Variants in FOXP2 observed in about 807,000 individuals in gnomAD.
The protein encoded by FOXP2 is forkhead box P2.
Under a neutral mutation model 115.8 loss-of-function variants are expected in FOXP2, and 12 were observed. That is an observed-to-expected ratio of 0.10 (90% CI 0.07 to 0.17). The LOEUF is 0.17. FOXP2 is among the 10% of genes least tolerant of loss of function. FOXP2 has a pLI of 1.00. For missense variants in FOXP2, 629 were observed against 843.5 expected (o/e 0.75, Z 3.15); for synonymous variants, 328 against 297.7 (o/e 1.10, Z -1.05).
intron 16 of FOXP2, among the ~76,000 whole-genome samples, chr7:114,687,670 A>G (rs989451018): frequency 1.3e-5 from 2 of 152,124 alleles, no homozygotes; most frequent in Admixed American, 6.6e-5. Context: ...TCTCTCTTTA[A>G]TATTTTTAAG....
chr7:114,497,571 C>T (rs974010311), intron 2 of FOXP2, among the ~76,000 whole-genome samples: 2 of 152,034 alleles, frequency 1.3e-5, no homozygotes, highest in Non-Finnish European at 1.5e-5. Flanking sequence ...ATCACTTGAA[C>T]CCAGGAGGCA....
intron 1 of FOXP2, among the ~76,000 whole-genome samples, chr7:114,220,430 CTT>C (rs941546234): frequency 3.3e-5 from 5 of 151,950 alleles, no homozygotes; most frequent in Admixed American, 6.6e-5. Context: ...CATTTTTTCT[CTT>C]TACATTAGAA....
At chr7:114,269,656 A>G (rs1218960761) in intron 1 of FOXP2, among the ~76,000 whole-genome samples, 1 of 152,142 alleles carries the variant, frequency 6.6e-6, no homozygotes, top group Non-Finnish European at 1.5e-5. Context: ...TTACTTTTAT[A>G]TTATTAAATT....
At chr7:114,641,641 C>T (rs1027619560) in intron 6 of FOXP2, among the ~76,000 whole-genome samples, 1 of 151,592 alleles carries the variant, frequency 6.6e-6, no homozygotes, top group Admixed American at 6.6e-5. Context: ...TTTGTTTTCC[C>T]TTTTATTTAT....
chr7:114,502,935 T>C (rs1191489873), intron 2 of FOXP2, among the ~76,000 whole-genome samples: 3 of 152,052 alleles, frequency 2.0e-5, no homozygotes, highest in African/African-American at 7.2e-5. Context: ...ACAGGCCAAA[T>C]AGATGCAAGG....
intron 2 of FOXP2, among the ~76,000 whole-genome samples, chr7:114,353,288 G>T (rs932994024): frequency 6.8e-6 from 1 of 146,504 alleles, no homozygotes; most frequent in African/African-American, 2.5e-5. Flanking sequence ...CTTTTCCTCC[G>T]ATAGCCCCCT....
chr7:114,542,709 T>C (rs1799728120), intron 3 of FOXP2, among the ~76,000 whole-genome samples: 1 of 152,184 alleles, frequency 6.6e-6, no homozygotes, highest in South Asian at 2.1e-4. Context: ...TGTGATTATT[T>C]TAGTAATGCT....
At chr7:114,469,730 A>T (rs1480041926) in intron 2 of FOXP2, among the ~76,000 whole-genome samples, 1 of 152,144 alleles carries the variant, frequency 6.6e-6, no homozygotes, top group Non-Finnish European at 1.5e-5. Context: ...TATTCTTCTG[A>T]TTTGCCATAG....
chr7:114,690,457 T>G lies in FOXP2; in HGVS notation c.*531T>G. 4.4e-6 allele frequency: 2 copies of G among 453,978 alleles called. No homozygotes were observed. Among genetic ancestry groups the G allele is most frequent in the Non-Finnish European group, 8.8e-6 (2 of 226,684 alleles). 28.1% of individuals were successfully genotyped at this position (453,978 alleles called of 1,614,324 possible). ...ATTAGTGTCACTGCTTGTATCTAGC[T>G]GAATTTTAAACAACAGAACATTAGT... On this transcript the variant is annotated 3_prime_UTR_variant, in exon 17 of 17. Transcript: ENST00000350908.
chr7:114,690,203 T>G lies in FOXP2; in HGVS notation c.*277T>G. ...AAAAAAAAATGAACTGTTCTTTCTA[T>G]AATGGCTTTGCCCATTTAAAAAATG... On this transcript the variant is annotated 3_prime_UTR_variant, in exon 17 of 17. Coordinates refer to ENST00000350908, the MANE Select transcript of FOXP2 (RefSeq NM_014491.4). The G allele has an allele frequency of 2.0e-6, 1 of 500,792 alleles. No individual in the cohort carries two copies. The highest frequency in any genetic ancestry group is 1.6e-5 in the South Asian group (1 of 62,810). 31.0% of individuals were successfully genotyped at this position (500,792 alleles called of 1,614,324 possible). A position where few individuals can be genotyped will look rare whatever the true frequency, so the allele number is the denominator to read the frequency against.
intron 1 of FOXP2, among the ~76,000 whole-genome samples, chr7:114,416,111 C>T (rs181234042): frequency 4.6e-5 from 7 of 152,062 alleles, no homozygotes; most frequent in African/African-American, 1.4e-4. Context: ...CATTTCTGCA[C>T]TTTTCATTCT....
At chr7:114,444,588 G>A (rs1443480252) in intron 2 of FOXP2, among the ~76,000 whole-genome samples, 2 of 152,080 alleles carry the variant, frequency 1.3e-5, no homozygotes, top group Admixed American at 6.6e-5. Flanking sequence ...AAGAATTACT[G>A]TTTTTATGCC....
intron 16 of FOXP2, among the ~76,000 whole-genome samples, chr7:114,680,443 A>G (rs1477469903): frequency 6.6e-6 from 1 of 152,216 alleles, no homozygotes; most frequent in Non-Finnish European, 1.5e-5. Flanking sequence ...GTGATGTTTT[A>G]TCAGGCTTAG....
intron 1 of FOXP2, among the ~76,000 whole-genome samples, chr7:114,104,058 T>C (rs1791053984): frequency 6.6e-6 from 1 of 152,034 alleles, no homozygotes; most frequent in South Asian, 2.1e-4. Context: ...GTGTTTAAGA[T>C]TTTTGGTTCG....
intron 16 of FOXP2, among the ~76,000 whole-genome samples, chr7:114,680,418 C>A (rs1445396048): frequency 2.0e-5 from 3 of 152,104 alleles, no homozygotes; most frequent in Non-Finnish European, 2.9e-5. Context: ...TACTTCAGTG[C>A]CCCCTTAAAG....
chr7:114,267,448 G>A (rs905513150), intron 1 of FOXP2, among the ~76,000 whole-genome samples: 1 of 151,846 alleles, frequency 6.6e-6, no homozygotes, highest in African/African-American at 2.4e-5. Flanking sequence ...TAAAATATAG[G>A]CTGGGCACAG....
intron 3 of FOXP2, among the ~76,000 whole-genome samples, chr7:114,591,778 A>G (rs1385760538): frequency 6.6e-6 from 1 of 152,094 alleles, no homozygotes; most frequent in Non-Finnish European, 1.5e-5. Context: ...CACAGCCTAC[A>G]AGCTGCATAG....
rs1808651642 is a variant in FOXP2 at position 114,691,208 on chromosome 7, G to C, written c.*1282G>C. The C allele has an allele frequency of 2.2e-6, 1 of 454,002 alleles. No homozygotes were observed. 28.1% of individuals were successfully genotyped at this position (454,002 alleles called of 1,614,324 possible). ...CAGTGGTGAATACATGTTGTTAGAA[G>C]ATGTCTTGTATGGTCTTAATCTTTG... On this transcript the variant is annotated 3_prime_UTR_variant, in exon 17 of 17. Coordinates refer to ENST00000350908, the MANE Select transcript of FOXP2 (RefSeq NM_014491.4).
At chr7:114,353,226 G>A (rs1916986) in intron 2 of FOXP2, among the ~76,000 whole-genome samples, 19,539 of 150,422 alleles carry the variant, frequency 0.13, 1,584 homozygotes, top group East Asian at 0.34. Flanking sequence ...AAGTTTTATT[G>A]TTTTATTCAT....
Sources: gnomAD v4.1 joint callset for allele counts (sites outside exome capture counted in the v4.1 genomes callset) on GRCh38, gnomAD v4.1.1 for gene constraint, MANE v1.5 for transcripts, NCBI Gene and HGNC (gene_info 2026-07-23, HGNC 2026-07-21) for gene names.